Variants in MAGI2 observed in about 807,000 individuals in gnomAD.
MAGI2 encodes the protein membrane-associated guanylate kinase, WW and PDZ domain-containing protein 2.
In MAGI2, 35 loss-of-function variants were observed where a neutral mutation model predicts 133.3. That is an observed-to-expected ratio of 0.26 (90% CI 0.20 to 0.35). The LOEUF is 0.35. Ranked by LOEUF, MAGI2 falls within the 10% of genes least tolerant of loss-of-function variation. The pLI is 1.00. For missense variants in MAGI2, 1,636 were observed against 1,863.4 expected (o/e 0.88, Z 2.25); for synonymous variants, 729 against 710.6 (o/e 1.03, Z -0.41).
At chr7:78,918,444 A>G (rs957054296) in intron 2 of MAGI2, among the ~76,000 whole-genome samples, 1 of 152,202 alleles carries the variant, frequency 6.6e-6, no homozygotes, top group Non-Finnish European at 1.5e-5. Flanking sequence ...ACACAAATAA[A>G]TCTGAGACAG....
At chr7:78,998,422 T>C (rs1212879498) in intron 2 of MAGI2, among the ~76,000 whole-genome samples, 1 of 152,062 alleles carries the variant, frequency 6.6e-6, no homozygotes, top group Non-Finnish European at 1.5e-5. Flanking sequence ...CCCCCCTCCC[T>C]CCCCTGAGTC....
At chr7:78,091,961 G>A (rs763664068) in intron 20 of MAGI2, among the ~76,000 whole-genome samples, 17 of 152,234 alleles carry the variant, frequency 1.1e-4, no homozygotes, top group African/African-American at 4.1e-4. Context: ...GAGGATAGCT[G>A]TAAGTGTGAA....
At chr7:78,819,017 T>C (rs534448073) in intron 2 of MAGI2, among the ~76,000 whole-genome samples, 1 of 152,252 alleles carries the variant, frequency 6.6e-6, no homozygotes, top group African/African-American at 2.4e-5. Flanking sequence ...TTATTCACTT[T>C]ACTGTTCTTT....
At chr7:79,072,998 T>A (rs532560752) in intron 1 of MAGI2, among the ~76,000 whole-genome samples, 21 of 152,148 alleles carry the variant, frequency 1.4e-4, no homozygotes, top group Admixed American at 2.6e-4. Flanking sequence ...GACACAGATT[T>A]CTTTTCTGTA....
intron 2 of MAGI2, among the ~76,000 whole-genome samples, chr7:78,730,899 A>C (rs972586049): frequency 6.6e-6 from 1 of 152,102 alleles, no homozygotes; most frequent in Admixed American, 6.5e-5. Flanking sequence ...GAATCTTCTG[A>C]ACAGCCAAAA....
chr7:79,205,758 T>G (rs980043232), intron 1 of MAGI2, among the ~76,000 whole-genome samples: 6 of 124,242 alleles, frequency 4.8e-5, no homozygotes, highest in East Asian at 3.9e-4. Flanking sequence ...TGTAGAGGGG[T>G]GTGTGTGTGT....
chr7:79,378,208 T>A (rs904893697), intron 1 of MAGI2, among the ~76,000 whole-genome samples: 1 of 151,822 alleles, frequency 6.6e-6, no homozygotes, highest in Non-Finnish European at 1.5e-5. Context: ...GATATAATTA[T>A]CTGAAACTGG....
intron 2 of MAGI2, among the ~76,000 whole-genome samples, chr7:78,909,328 T>C (rs1242389013): frequency 1.3e-5 from 2 of 150,710 alleles, no homozygotes; most frequent in Non-Finnish European, 3.0e-5. Flanking sequence ...GCGCGGTGGC[T>C]CACGCCTGTA....
intron 7 of MAGI2, among the ~76,000 whole-genome samples, chr7:78,365,444 A>G (rs915485885): frequency 6.6e-6 from 1 of 152,080 alleles, no homozygotes; most frequent in African/African-American, 2.4e-5. Context: ...CTGCAGTCAA[A>G]CTGCCTGGGT....
chr7:78,876,697 C>A (rs897459754), intron 2 of MAGI2, among the ~76,000 whole-genome samples: 1 of 152,046 alleles, frequency 6.6e-6, no homozygotes, highest in Non-Finnish European at 1.5e-5. Context: ...ATAGTGGATG[C>A]CAGAATAGTT....
intron 2 of MAGI2, among the ~76,000 whole-genome samples, chr7:78,763,232 G>C (rs1239149328): frequency 1.3e-5 from 2 of 152,088 alleles, no homozygotes; most frequent in Non-Finnish European, 2.9e-5. Flanking sequence ...AATCATAAAA[G>C]AAAGACTTAT....
chr7:78,115,992 C>A (rs889381009), intron 20 of MAGI2, among the ~76,000 whole-genome samples: 2 of 152,124 alleles, frequency 1.3e-5, no homozygotes, highest in African/African-American at 2.4e-5. Context: ...CTATACAACA[C>A]AGCACTCAAC....
In MAGI2 at chr7:78,558,236, A is replaced by C. The variant is rs148253821; in HGVS notation, c.539-36591T>G. On this transcript the variant is annotated intron_variant, in intron 3 of 21. Coordinates refer to ENST00000354212, the MANE Select transcript of MAGI2 (RefSeq NM_012301.4). ...TCCCATTTAAGGTGAAACAGAGAAC[A>C]AAGAAAGAGACAAACGTTAATTTAA... is the stretch of plus-strand genomic sequence containing the variant. Among the ~76,000 whole-genome samples the C allele has an allele frequency of 7.5e-3, 1,148 of 152,330 alleles. 16 individuals are homozygous for C. Among genetic ancestry groups the C allele is most frequent in the African/African-American group, 0.023 (967 of 41,572 alleles).
chr7:79,374,062 G>T (rs569685205), intron 1 of MAGI2, among the ~76,000 whole-genome samples: 1 of 152,014 alleles, frequency 6.6e-6, no homozygotes, highest in African/African-American at 2.4e-5. Context: ...AGTTATGGAA[G>T]CAAAGAATAT....
At chr7:78,115,634 T>C (rs1220846004) in intron 20 of MAGI2, among the ~76,000 whole-genome samples, 1 of 45,610 alleles carries the variant, frequency 2.2e-5, no homozygotes, top group Non-Finnish European at 6.3e-5. Context: ...ACCTGGAAAA[T>C]AAAAGAAATA....
intron 2 of MAGI2, among the ~76,000 whole-genome samples, chr7:78,912,065 T>A (rs559126901): frequency 3.0e-4 from 46 of 152,314 alleles, no homozygotes; most frequent in African/African-American, 1.1e-3. Flanking sequence ...TCATCTTTTA[T>A]AATGGATTAT....
At position 79,148,608 on chromosome 7, in the gene MAGI2, A is replaced by AT. The variant is rs527650323; in HGVS notation, c.302-141403dup. Reference sequence around the variant, plus strand: ...ATTGGTCTGTGTAATCCTTTGTCCCATTTTTTGTCTTCATTCAGAGGTAAC... The same window carrying AT: ...ATTGGTCTGTGTAATCCTTTGTCCCATTTTTTTGTCTTCATTCAGAGGTAAC... On this transcript the variant is annotated intron_variant, in intron 1 of 21. Coordinates refer to ENST00000354212, the MANE Select transcript of MAGI2 (RefSeq NM_012301.4). 8.6e-5 allele frequency among the ~76,000 whole-genome samples: 13 copies of AT among 151,678 alleles called. No individual in the cohort carries two copies. The South Asian group carries it at 1.5e-3, about 17-fold the overall frequency.
At chr7:78,838,594 A>T (rs1261904558) in intron 2 of MAGI2, among the ~76,000 whole-genome samples, 1 of 151,856 alleles carries the variant, frequency 6.6e-6, no homozygotes, top group East Asian at 1.9e-4. Flanking sequence ...AATAATAGGA[A>T]ATTCTTATGG....
At chr7:78,027,600 C>T (rs1211089932) in intron 21 of MAGI2, among the ~76,000 whole-genome samples, 2 of 149,178 alleles carry the variant, frequency 1.3e-5, no homozygotes, top group South Asian at 2.1e-4. Context: ...TGCACTCCAG[C>T]CTGGGCGACA....
Sources: gnomAD v4.1 joint callset for allele counts (sites outside exome capture counted in the v4.1 genomes callset) on GRCh38, gnomAD v4.1.1 for gene constraint, MANE v1.5 for transcripts, NCBI Gene and HGNC (gene_info 2026-07-23, HGNC 2026-07-21) for gene names.